ANKS1B: variants seen among roughly 807,000 people sequenced by gnomAD.
ANKS1B encodes the protein ankyrin repeat and sterile alpha motif domain-containing protein 1B.
Under a neutral mutation model 148.3 loss-of-function variants are expected in ANKS1B, and 36 were observed. The observed-to-expected ratio is 0.24, with a 90% CI of 0.19 to 0.32. ANKS1B has a LOEUF of 0.32. Ranked by LOEUF, ANKS1B falls within the 10% of genes least tolerant of loss-of-function variation. The pLI is 1.00. For missense variants in ANKS1B, 1,157 were observed against 1,542.6 expected, an observed-to-expected ratio of 0.75 and a Z score of 4.19; for synonymous variants, 542 against 560.8, an observed-to-expected ratio of 0.97 and a Z score of 0.47.
intron 18 of ANKS1B, among the ~76,000 whole-genome samples, chr12:98,830,148 G>C (rs74967466): frequency 0.016 from 2,392 of 152,276 alleles, 23 homozygotes; most frequent in Non-Finnish European, 0.027. Context: ...AGCAGGGTAA[G>C]TAGCAGGAAA....
chr12:99,393,283 C>T (rs1249500616), intron 12 of ANKS1B, among the ~76,000 whole-genome samples: 7 of 152,162 alleles, frequency 4.6e-5, no homozygotes, highest in Admixed American at 4.6e-4. Context: ...GTTCTCAGGT[C>T]ATTCAAAGGT....
At chr12:99,494,048 T>C (rs2096579557) in intron 10 of ANKS1B, among the ~76,000 whole-genome samples, 1 of 152,080 alleles carries the variant, frequency 6.6e-6, no homozygotes, top group African/African-American at 2.4e-5. Flanking sequence ...GCCATCACAA[T>C]AGAGAAGGAG....
chr12:99,049,732 C>A (rs1460881620), intron 17 of ANKS1B, among the ~76,000 whole-genome samples: 11 of 152,102 alleles, frequency 7.2e-5, no homozygotes, highest in Admixed American at 7.2e-4. Context: ...AAAAATAATG[C>A]CAGATTATTT....
At chr12:99,503,378 T>C (rs925693480) in intron 10 of ANKS1B, among the ~76,000 whole-genome samples, 18 of 152,334 alleles carry the variant, frequency 1.2e-4, no homozygotes, top group African/African-American at 4.3e-4. Flanking sequence ...AATTTCTCTA[T>C]ATTCATAACC....
intron 8 of ANKS1B, among the ~76,000 whole-genome samples, chr12:99,769,406 C>T (rs1244793843): frequency 1.3e-5 from 2 of 152,174 alleles, no homozygotes; most frequent in Non-Finnish European, 2.9e-5. Flanking sequence ...ATCTAATATA[C>T]AACTATGGCT....
rs775094666 is a variant in ANKS1B, at chr12:99,504,478, G to C, written c.1436C>G (p.Thr479Ser). The C allele has an allele frequency of 9.9e-6, 16 of 1,611,904 alleles. No homozygotes were observed. The highest frequency in any genetic ancestry group is 1.6e-4 in the Middle Eastern group (1 of 6,072). ...LEIARAPSPR[T>S]DNASEVAVTT... ...CAATTGTGAGTAAGAGATATTACCA[G>C]TTCTTGGGGAAGGTGCCCTTGCAAT... Residue 479 changes from threonine to serine, a missense_variant and splice_region_variant, in exon 10 of 27, where the codon ACT (threonine) becomes AGT (serine). Coordinates refer to ENST00000683438, the MANE Select transcript of ANKS1B (RefSeq NM_001352186.2).
At chr12:98,792,860 G>T (rs778439463) in intron 22 of ANKS1B, among the ~76,000 whole-genome samples, 8 of 152,042 alleles carry the variant, frequency 5.3e-5, no homozygotes, top group Non-Finnish European at 1.0e-4. Flanking sequence ...TCTGTTGATG[G>T]ACACAATTTT....
At chr12:99,506,066 G>T (rs1291239449) in intron 9 of ANKS1B, among the ~76,000 whole-genome samples, 1 of 151,868 alleles carries the variant, frequency 6.6e-6, no homozygotes, top group Non-Finnish European at 1.5e-5. Context: ...TCTATCATAG[G>T]GTATATTGCT....
At position 99,177,779 on chromosome 12, in the gene ANKS1B, C is replaced by A. The variant is rs536379465; in HGVS notation, c.2420-23384G>T. ...GACTTGTTCTAGCATCAGATTTTCA[C>A]AAGTGATGACCTTGGCAAACTTGTT... is the stretch of plus-strand genomic sequence containing the variant. On this transcript the variant is annotated intron_variant, in intron 14 of 26. Coordinates refer to ENST00000683438, the MANE Select transcript of ANKS1B (RefSeq NM_001352186.2). Among the ~76,000 whole-genome samples, 198 of 152,352 alleles carry A rather than the reference C, an allele frequency of 1.3e-3. 1 individual carries two copies. The highest frequency in any genetic ancestry group is 4.5e-3 in the African/African-American group (186 of 41,580).
At chr12:99,312,873 A>C (rs1191345691) in intron 12 of ANKS1B, among the ~76,000 whole-genome samples, 10 of 152,194 alleles carry the variant, frequency 6.6e-5, no homozygotes, top group African/African-American at 2.4e-4. Flanking sequence ...CTAGAGAAGC[A>C]AGAGTAAATT....
intron 8 of ANKS1B, among the ~76,000 whole-genome samples, chr12:99,769,876 T>C (rs2063027935): frequency 6.6e-6 from 1 of 152,226 alleles, no homozygotes; most frequent in African/African-American, 2.4e-5. Context: ...CTCTGTGCTT[T>C]TGCACTTACT....
At chr12:99,533,211 G>C (rs1045320825) in intron 9 of ANKS1B, among the ~76,000 whole-genome samples, 1 of 152,144 alleles carries the variant, frequency 6.6e-6, no homozygotes, top group Non-Finnish European at 1.5e-5. Flanking sequence ...TTTCATTGGT[G>C]TTTTGTAGTT....
chr12:99,369,555 G>C (rs1163843619), intron 12 of ANKS1B, among the ~76,000 whole-genome samples: 1 of 152,102 alleles, frequency 6.6e-6, no homozygotes, highest in African/African-American at 2.4e-5. Flanking sequence ...AGATGAAATA[G>C]GCTGATTAGA....
At chr12:99,846,914 T>C (rs907052054) in intron 1 of ANKS1B, among the ~76,000 whole-genome samples, 3 of 151,956 alleles carry the variant, frequency 2.0e-5, no homozygotes, top group Non-Finnish European at 2.9e-5. Context: ...TCCCCTCCCA[T>C]AGGTGTAGAA....
At chr12:98,810,543 C>T (rs991098839) in intron 19 of ANKS1B, among the ~76,000 whole-genome samples, 4 of 152,200 alleles carry the variant, frequency 2.6e-5, no homozygotes, top group African/African-American at 4.8e-5. Flanking sequence ...ATCTTGCAGG[C>T]TGTAACCCTT....
At chr12:99,588,413 C>CTTTT (rs57908824) in intron 9 of ANKS1B, among the ~76,000 whole-genome samples, 1 of 148,878 alleles carries the variant, frequency 6.7e-6, no homozygotes, top group Non-Finnish European at 1.5e-5. Context: ...AAAATGTAAT[C>CTTTT]TTTTTTTTTT....
intron 12 of ANKS1B, among the ~76,000 whole-genome samples, chr12:99,292,035 A>T (rs2080077314): frequency 6.6e-6 from 1 of 152,208 alleles, no homozygotes; most frequent in Non-Finnish European, 1.5e-5. Context: ...TAAATGATAG[A>T]CCTAAAACCA....
chr12:98,982,799 G>A (rs115779497), intron 17 of ANKS1B, among the ~76,000 whole-genome samples: 156 of 152,098 alleles, frequency 1.0e-3, no homozygotes, highest in African/African-American at 3.1e-3. Flanking sequence ...TCATTTTACC[G>A]TTGTTGAATT....
chr12:99,414,728 C>G (rs532435251), intron 11 of ANKS1B, among the ~76,000 whole-genome samples: 1 of 152,118 alleles, frequency 6.6e-6, no homozygotes, highest in African/African-American at 2.4e-5. Flanking sequence ...AAATACCTAA[C>G]GTAAATGATG....
Sources: allele counts gnomAD v4.1 joint callset (sites outside exome capture counted in the v4.1 genomes callset), GRCh38; gene constraint gnomAD v4.1.1; transcripts MANE v1.5; gene names NCBI Gene and HGNC (gene_info 2026-07-23, HGNC 2026-07-21).